Variants in ATXN1 observed in about 807,000 individuals in gnomAD.
The protein encoded by ATXN1 is ataxin 1, also known as ataxin-1.
In ATXN1, 8 loss-of-function variants were observed where a neutral mutation model predicts 56.4. The observed-to-expected ratio is 0.14, with a 90% CI of 0.08 to 0.26. ATXN1 has a LOEUF of 0.26. ATXN1 is among the 10% of genes least tolerant of loss of function. The pLI is 1.00. For missense variants in ATXN1, 987 were observed against 1,106.5 expected, an observed-to-expected ratio of 0.89 and a Z score of 1.53; for synonymous variants, 514 against 494.6, an observed-to-expected ratio of 1.04 and a Z score of -0.52.
At chr6:16,623,784 A>T (rs2113803461) in intron 3 of ATXN1, among the ~76,000 whole-genome samples, 1 of 152,336 alleles carries the variant, frequency 6.6e-6, no homozygotes, top group South Asian at 2.1e-4. Context: ...GATTGGTTTT[A>T]CTGTCTCTTC....
rs141058831 is a variant in ATXN1 at position 16,571,909 on chromosome 6, C to T, written c.-361+13871G>A. On this transcript the variant is annotated intron_variant, in intron 4 of 7. Transcript: ENST00000436367. ...AACTCGTGGCTTCAAGTGATCCTTC[C>T]ACCTCAGCCCCCCAAAGTGCTGGGA... Among the ~76,000 whole-genome samples, 891 of 152,274 alleles carry T rather than the reference C, an allele frequency of 5.9e-3. 11 individuals are homozygous for T. The highest frequency in any genetic ancestry group is 0.017 in the African/African-American group (726 of 41,562).
At chr6:16,709,228 A>G (rs376195129) in intron 2 of ATXN1, among the ~76,000 whole-genome samples, 1 of 152,152 alleles carries the variant, frequency 6.6e-6, no homozygotes, top group East Asian at 1.9e-4. Flanking sequence ...AAAATGGAAA[A>G]GGGGATATCA....
rs1174469606 is a variant in ATXN1 at position 16,457,918 on chromosome 6, T to C, written c.-161+28054A>G. On this transcript the variant is annotated intron_variant, in intron 6 of 7. Coordinates refer to ENST00000436367, the MANE Select transcript of ATXN1 (RefSeq NM_001128164.2). ...AGGGGGAGGGGAATTTGGCCCAACA[T>C]GGGACCTTCTCTCTCTCTGAATTAA... Among the ~76,000 whole-genome samples the C allele has an allele frequency of 2.0e-5, 3 of 152,250 alleles. No homozygotes were observed. The East Asian group carries it at 5.8e-4, about 29-fold the overall frequency.
intron 4 of ATXN1, among the ~76,000 whole-genome samples, chr6:16,530,584 C>G (rs577284215): frequency 6.6e-6 from 1 of 152,238 alleles, no homozygotes; most frequent in Admixed American, 6.5e-5. Context: ...AAGAGAACAT[C>G]TACACTGGAA....
At chr6:16,638,547 G>C (rs1038764580) in intron 3 of ATXN1, among the ~76,000 whole-genome samples, 3 of 151,696 alleles carry the variant, frequency 2.0e-5, no homozygotes, top group African/African-American at 7.3e-5. Context: ...TGACGCTGAA[G>C]TGTCACTAGC....
intron 2 of ATXN1, among the ~76,000 whole-genome samples, chr6:16,660,228 CTATCCCTTCT>C (rs1758287980): frequency 6.6e-6 from 1 of 152,208 alleles, no homozygotes; most frequent in African/African-American, 2.4e-5. Flanking sequence ...TCTCTGTCAC[CTATCCCTTCT>C]TGTTTACCAT....
intron 6 of ATXN1, among the ~76,000 whole-genome samples, chr6:16,378,713 C>T (rs546524509): frequency 6.6e-6 from 1 of 152,116 alleles, no homozygotes; most frequent in Non-Finnish European, 1.5e-5. Context: ...TGCACACCAC[C>T]ACCCCTGGCT....
chr6:16,562,931 G>A (rs1240545542), intron 4 of ATXN1, among the ~76,000 whole-genome samples: 4 of 151,686 alleles, frequency 2.6e-5, no homozygotes, highest in Non-Finnish European at 2.9e-5. Flanking sequence ...TCAAGCAGGA[G>A]AGGGAGATAA....
chr6:16,666,524 T>C (rs893877932), intron 2 of ATXN1: 4 of 154,552 alleles, frequency 2.6e-5, no homozygotes, highest in African/African-American at 9.6e-5. Context: ...TTCTTTCTTT[T>C]TTTTTGGAGT....
At chr6:16,702,013 G>A (rs1759295902) in intron 2 of ATXN1, among the ~76,000 whole-genome samples, 1 of 151,908 alleles carries the variant, frequency 6.6e-6, no homozygotes, top group African/African-American at 2.4e-5. Flanking sequence ...CCAAAAAAGA[G>A]CCCACATTGC....
chr6:16,430,582 C>A (rs1283656778), intron 6 of ATXN1, among the ~76,000 whole-genome samples: 1 of 152,156 alleles, frequency 6.6e-6, no homozygotes, highest in East Asian at 1.9e-4. Flanking sequence ...ATGGCTCAGC[C>A]AAAGAAAGCT....
intron 2 of ATXN1, among the ~76,000 whole-genome samples, chr6:16,710,793 G>A (rs1759507332): frequency 6.6e-6 from 1 of 151,834 alleles, no homozygotes; most frequent in African/African-American, 2.4e-5. Flanking sequence ...TTGCTATGCT[G>A]CCCAGGCTGG....
At chr6:16,531,426 C>T (rs1389473938) in intron 4 of ATXN1, among the ~76,000 whole-genome samples, 1 of 152,126 alleles carries the variant, frequency 6.6e-6, no homozygotes, top group Non-Finnish European at 1.5e-5. Flanking sequence ...AGTTCAAGAC[C>T]AGCCTGGCCA....
intron 4 of ATXN1, among the ~76,000 whole-genome samples, chr6:16,580,393 T>C (rs1292927452): frequency 1.3e-5 from 2 of 152,242 alleles, no homozygotes; most frequent in African/African-American, 4.8e-5. Context: ...TAAAGCTGTA[T>C]GAAAGTTGGA....
chr6:16,449,723 T>G (rs1444867460), intron 6 of ATXN1, among the ~76,000 whole-genome samples: 1 of 152,206 alleles, frequency 6.6e-6, no homozygotes, highest in African/African-American at 2.4e-5. Flanking sequence ...ACGTTTTAAG[T>G]GGATAAGTTT....
chr6:16,439,378 C>T (rs942945052), intron 6 of ATXN1, among the ~76,000 whole-genome samples: 2 of 1,328 alleles, frequency 1.5e-3, no homozygotes, highest in African/African-American at 6.8e-3. Flanking sequence ...GGGGGCGGGG[C>T]GGGAATAAGG....
intron 1 of ATXN1, among the ~76,000 whole-genome samples, chr6:16,755,392 A>G (rs943498807): frequency 5.9e-5 from 9 of 152,214 alleles, no homozygotes; most frequent in Non-Finnish European, 1.2e-4. Context: ...TTATACAATA[A>G]TATACACCAA....
At chr6:16,718,928 C>G (rs777835529) in intron 2 of ATXN1, among the ~76,000 whole-genome samples, 1 of 152,210 alleles carries the variant, frequency 6.6e-6, no homozygotes, top group Non-Finnish European at 1.5e-5. Flanking sequence ...ATAAAACTGT[C>G]ATTTCCTAAG....
At chr6:16,566,157 G>A (rs113324245) in intron 4 of ATXN1, among the ~76,000 whole-genome samples, 1 of 152,080 alleles carries the variant, frequency 6.6e-6, no homozygotes, top group Non-Finnish European at 1.5e-5. Flanking sequence ...GAAAAAAATA[G>A]CCTAGAAATC....
Sources: allele counts gnomAD v4.1 joint callset (sites outside exome capture counted in the v4.1 genomes callset), GRCh38; gene constraint gnomAD v4.1.1; transcripts MANE v1.5; gene names NCBI Gene and HGNC (gene_info 2026-07-23, HGNC 2026-07-21).